DSCAML1: variants seen among roughly 807,000 people sequenced by gnomAD.
The protein encoded by DSCAML1 is DS cell adhesion molecule like 1, also known as cell adhesion molecule DSCAML1.
Under a neutral mutation model 200.5 loss-of-function variants are expected in DSCAML1, and 38 were observed. That is an observed-to-expected ratio of 0.19 (90% CI 0.15 to 0.25). DSCAML1 has a LOEUF of 0.25. Among genes scored for constraint, DSCAML1 ranks in the 10% least tolerant of loss-of-function variants. The pLI, the probability that DSCAML1 is intolerant of heterozygous loss-of-function variation, is 1.00. For synonymous variants in DSCAML1, 1,215 were observed against 1,165.0 expected (o/e 1.04, Z -0.87); for missense variants, 2,223 against 2,858.8 (o/e 0.78, Z 5.07).
At chr11:117,735,543 A>C (rs1045610199) in intron 3 of DSCAML1, among the ~76,000 whole-genome samples, 3 of 152,188 alleles carry the variant, frequency 2.0e-5, no homozygotes, top group African/African-American at 7.2e-5. Flanking sequence ...CGCCTTTCAA[A>C]AGCACATGAA....
chr11:117,484,928 T>C (rs942633747), intron 11 of DSCAML1, among the ~76,000 whole-genome samples: 13 of 139,966 alleles, frequency 9.3e-5, no homozygotes, highest in African/African-American at 3.9e-4. Flanking sequence ...TGTGTGTGTG[T>C]GTGTGTGTGT....
intron 3 of DSCAML1, among the ~76,000 whole-genome samples, chr11:117,720,630 C>T (rs1439923957): frequency 1.3e-5 from 2 of 152,242 alleles, no homozygotes; most frequent in Non-Finnish European, 2.9e-5. Flanking sequence ...CAGAGAGGTA[C>T]TGGGACGGTG....
At chr11:117,568,000 C>G (rs1324394319) in intron 3 of DSCAML1, among the ~76,000 whole-genome samples, 1 of 151,898 alleles carries the variant, frequency 6.6e-6, no homozygotes, top group Non-Finnish European at 1.5e-5. Flanking sequence ...CCGAATCCAG[C>G]AGCACATCAA....
chr11:117,565,491 G>GTATCTAAT (rs1214078788), intron 3 of DSCAML1, among the ~76,000 whole-genome samples: 1 of 152,216 alleles, frequency 6.6e-6, no homozygotes, highest in Non-Finnish European at 1.5e-5. Context: ...CACAAACACA[G>GTATCTAAT]TATCTAATTT....
At chr11:117,636,245 C>G (rs1484764672) in intron 3 of DSCAML1, among the ~76,000 whole-genome samples, 1 of 152,132 alleles carries the variant, frequency 6.6e-6, no homozygotes, top group African/African-American at 2.4e-5. Flanking sequence ...CCATATGTCT[C>G]CTGGCCAGAA....
intron 1 of DSCAML1, among the ~76,000 whole-genome samples, chr11:117,781,034 T>A (rs1407476976): frequency 5.3e-5 from 8 of 152,178 alleles, no homozygotes; most frequent in Non-Finnish European, 7.4e-5. Context: ...CGGCGGCTCA[T>A]GCCTGTAATT....
intron 3 of DSCAML1, among the ~76,000 whole-genome samples, chr11:117,633,029 G>A (rs1325467824): frequency 3.3e-5 from 5 of 152,210 alleles, no homozygotes. Context: ...CAGGCTGTAA[G>A]TATCCTTTCA....
At chr11:117,674,391 C>T (rs900261402) in intron 3 of DSCAML1, among the ~76,000 whole-genome samples, 7 of 152,122 alleles carry the variant, frequency 4.6e-5, no homozygotes, top group African/African-American at 7.2e-5. Flanking sequence ...GCAGTACCCA[C>T]GTTCTACAGC....
intron 1 of DSCAML1, among the ~76,000 whole-genome samples, chr11:117,804,271 A>G (rs915172899): frequency 1.3e-5 from 2 of 152,244 alleles, no homozygotes; most frequent in Non-Finnish European, 2.9e-5. Flanking sequence ...GCAGTGCCTT[A>G]GAGCTCAGCT....
intron 11 of DSCAML1, among the ~76,000 whole-genome samples, chr11:117,495,121 A>G (rs1043504623): frequency 6.6e-6 from 1 of 152,102 alleles, no homozygotes; most frequent in African/African-American, 2.4e-5. Flanking sequence ...CCTCTGCCCC[A>G]TGGAGCTGGG....
intron 3 of DSCAML1, among the ~76,000 whole-genome samples, chr11:117,600,845 G>T (rs1267860153): frequency 6.6e-6 from 1 of 152,184 alleles, no homozygotes; most frequent in East Asian, 1.9e-4. Flanking sequence ...GCTGGCCACT[G>T]GAGGAGGCCA....
chr11:117,434,579 G>A (rs1486498137), intron 27 of DSCAML1, among the ~76,000 whole-genome samples: 1 of 151,156 alleles, frequency 6.6e-6, no homozygotes, highest in Admixed American at 6.6e-5. Flanking sequence ...ATCATTATCT[G>A]GCCATTCAAC....
At chr11:117,474,050 A>G (rs2048740037) in intron 14 of DSCAML1, among the ~76,000 whole-genome samples, 1 of 152,104 alleles carries the variant, frequency 6.6e-6, no homozygotes, top group African/African-American at 2.4e-5. Flanking sequence ...ACGCAGAGGG[A>G]GGAGACTGGG....
chr11:117,635,465 TGTGTGTGTGC>T (rs1170687931), intron 3 of DSCAML1, among the ~76,000 whole-genome samples: 2 of 151,828 alleles, frequency 1.3e-5, no homozygotes, highest in African/African-American at 4.8e-5. Context: ...TGTGTGTGTG[TGTGTGTGTGC>T]GTGTGTGTTT....
chr11:117,570,084 G>A (rs929625761), intron 3 of DSCAML1, among the ~76,000 whole-genome samples: 7 of 152,178 alleles, frequency 4.6e-5, no homozygotes, highest in Non-Finnish European at 5.9e-5. Flanking sequence ...AACGTGTTGA[G>A]CATGTGGGAA....
At chr11:117,532,656 T>C in intron 3 of DSCAML1, 134 bp from the exon 4 acceptor site, 1 of 929,770 alleles carries the variant, frequency 1.1e-6, no homozygotes, top group South Asian at 1.8e-5. Context: ...AATTGTTCCT[T>C]TCAGTGTAGA....
intron 1 of DSCAML1, among the ~76,000 whole-genome samples, chr11:117,796,320 G>A (rs577928481): frequency 3.9e-5 from 6 of 152,362 alleles, no homozygotes; most frequent in Admixed American, 3.3e-4. Context: ...GCGCGGAAGC[G>A]GAGAATCTCG....
intron 3 of DSCAML1, among the ~76,000 whole-genome samples, chr11:117,708,836 T>C (rs1367442665): frequency 3.3e-5 from 5 of 152,106 alleles, no homozygotes; most frequent in Non-Finnish European, 7.4e-5. Context: ...CATGGCAGAG[T>C]ACAAAGTGGG....
chr11:117,564,641 C>T (rs572557675), intron 3 of DSCAML1, among the ~76,000 whole-genome samples: 12 of 152,208 alleles, frequency 7.9e-5, no homozygotes, highest in African/African-American at 1.2e-4. Context: ...CTCTCTCTCT[C>T]TCTTTCTTTC....
Sources: allele counts gnomAD v4.1 joint callset (sites outside exome capture counted in the v4.1 genomes callset), GRCh38; gene constraint gnomAD v4.1.1; transcripts MANE v1.5; gene names NCBI Gene and HGNC (gene_info 2026-07-23, HGNC 2026-07-21).